GALNT17: variants seen among roughly 807,000 people sequenced by gnomAD.
GALNT17 encodes the protein polypeptide N-acetylgalactosaminyltransferase 17.
In GALNT17, 29 loss-of-function variants were observed where a neutral mutation model predicts 63.7. The observed-to-expected ratio is 0.46, with a 90% CI of 0.34 to 0.62. The LOEUF is 0.62. Among genes scored for constraint, GALNT17 ranks in the 20% least tolerant of loss-of-function variants. The pLI, the probability that GALNT17 is intolerant of heterozygous loss-of-function variation, is 0.01. For missense variants in GALNT17, 603 were observed against 799.6 expected, an observed-to-expected ratio of 0.75 and a Z score of 2.97; for synonymous variants, 305 against 318.3, an observed-to-expected ratio of 0.96 and a Z score of 0.45.
intron 1 of GALNT17, among the ~76,000 whole-genome samples, chr7:71,282,609 A>G (rs908457054): frequency 6.6e-6 from 1 of 151,804 alleles, no homozygotes; most frequent in African/African-American, 2.4e-5. Flanking sequence ...GGAGGGAGGA[A>G]TATTGTGCAG....
At chr7:71,187,828 G>T (rs962760039) in intron 1 of GALNT17, among the ~76,000 whole-genome samples, 1 of 152,028 alleles carries the variant, frequency 6.6e-6, no homozygotes, top group Non-Finnish European at 1.5e-5. Flanking sequence ...TGAAATTTTG[G>T]CGCACCTATC....
chr7:71,386,917 T>C (rs1792956055), intron 2 of GALNT17, among the ~76,000 whole-genome samples: 1 of 152,152 alleles, frequency 6.6e-6, no homozygotes, highest in Non-Finnish European at 1.5e-5. Flanking sequence ...TAGTATAACA[T>C]AATACAGAGC....
Position 71,386,208 on chromosome 7 carries a change from A to G in GALNT17, c.423-2027A>G, listed in dbSNP as rs565673692. Among the ~76,000 whole-genome samples, 15 of 152,286 alleles carry G rather than the reference A, an allele frequency of 9.8e-5. No individual in the cohort carries two copies. In the South Asian group the frequency reaches 2.9e-3, roughly 29 times the overall value. On this transcript the variant is annotated intron_variant, in intron 2 of 10. Coordinates refer to ENST00000333538, the MANE Select transcript of GALNT17 (RefSeq NM_022479.3). Reference sequence around the variant, plus strand: ...GGACGATCTTCTCCAGGAGACAAACACATATTGTAACAAAACTTTATTTTC... The same window carrying G: ...GGACGATCTTCTCCAGGAGACAAACGCATATTGTAACAAAACTTTATTTTC...
In GALNT17 at chr7:71,420,151, C is replaced by T. The variant is rs145022419; in HGVS notation, c.765-757C>T. On this transcript the variant is annotated intron_variant, in intron 4 of 10. Transcript: ENST00000333538. The stretch of plus-strand genomic sequence containing the variant: ...TTCCCGCGCCTGCCTCGGAGACACA[C>T]GATGGTGGAGGTGTCTGGCCATCTG... Among the ~76,000 whole-genome samples the T allele has an allele frequency of 7.5e-3, 1,143 of 152,216 alleles. 14 individuals are homozygous for T. Among genetic ancestry groups the T allele is most frequent in the African/African-American group, 0.021 (865 of 41,524 alleles).
chr7:71,662,673 A>G (rs530156715), intron 6 of GALNT17, among the ~76,000 whole-genome samples: 1 of 152,310 alleles, frequency 6.6e-6, no homozygotes, highest in South Asian at 2.1e-4. Context: ...CATGCTTTCC[A>G]GGTTCATCCA....
chr7:71,357,116 T>G (rs1258962206), intron 2 of GALNT17, among the ~76,000 whole-genome samples: 1 of 152,022 alleles, frequency 6.6e-6, no homozygotes, highest in Non-Finnish European at 1.5e-5. Flanking sequence ...GTGTTTGCGA[T>G]AGGGAATATG....
intron 1 of GALNT17, among the ~76,000 whole-genome samples, chr7:71,143,243 G>A (rs10268738): frequency 0.15 from 22,598 of 151,600 alleles, 1,997 homozygotes; most frequent in African/African-American, 0.24. Flanking sequence ...CCAACACAGC[G>A]AAACCCTGTC....
chr7:71,160,245 G>C (rs1037152799), intron 1 of GALNT17, among the ~76,000 whole-genome samples: 4 of 152,158 alleles, frequency 2.6e-5, no homozygotes, highest in Non-Finnish European at 5.9e-5. Context: ...TCATACTCAT[G>C]TATAAACACT....
chr7:71,673,213 A>G (rs1791097779), intron 8 of GALNT17, among the ~76,000 whole-genome samples: 1 of 152,208 alleles, frequency 6.6e-6, no homozygotes, highest in South Asian at 2.1e-4. Context: ...ATAATCTGAA[A>G]TAAGGACAAA....
At chr7:71,336,564 A>C (rs1216137484) in intron 2 of GALNT17, among the ~76,000 whole-genome samples, 4 of 152,064 alleles carry the variant, frequency 2.6e-5, no homozygotes, top group Non-Finnish European at 5.9e-5. Flanking sequence ...CTCGTCGTTT[A>C]GCCCCGACTT....
intron 1 of GALNT17, among the ~76,000 whole-genome samples, chr7:71,148,821 A>G (rs1255512796): frequency 1.4e-5 from 2 of 145,874 alleles, no homozygotes; most frequent in East Asian, 4.0e-4. Flanking sequence ...AGTTGAAGGC[A>G]TCTTAGATTT....
intron 2 of GALNT17, among the ~76,000 whole-genome samples, chr7:71,366,672 T>G (rs892776013): frequency 6.6e-6 from 1 of 152,208 alleles, no homozygotes; most frequent in African/African-American, 2.4e-5. Context: ...GTTTCTTGTG[T>G]GTCCTTCTGC....
intron 3 of GALNT17, among the ~76,000 whole-genome samples, chr7:71,396,389 G>A (rs544355870): frequency 6.6e-6 from 1 of 152,152 alleles, no homozygotes; most frequent in South Asian, 2.1e-4. Flanking sequence ...TTTCCTCATT[G>A]AATGGTTATG....
chr7:71,252,658 C>T (rs1790220962), intron 1 of GALNT17, among the ~76,000 whole-genome samples: 2 of 152,236 alleles, frequency 1.3e-5, no homozygotes, highest in South Asian at 2.1e-4. Flanking sequence ...GACCCAGACC[C>T]ATTAGAGAGT....
intron 3 of GALNT17, among the ~76,000 whole-genome samples, chr7:71,410,989 G>T (rs899588199): frequency 2.0e-5 from 3 of 152,176 alleles, no homozygotes; most frequent in African/African-American, 4.8e-5. Flanking sequence ...TTGCAGAAAT[G>T]AGTTTCTGTT....
chr7:71,449,751 C>T (rs749670925), intron 5 of GALNT17, among the ~76,000 whole-genome samples: 22 of 151,972 alleles, frequency 1.4e-4, no homozygotes, highest in South Asian at 4.1e-4. Flanking sequence ...TTATATTAAT[C>T]GATTGTCTAA....
chr7:71,190,833 G>T (rs1423863731), intron 1 of GALNT17, among the ~76,000 whole-genome samples: 2 of 151,894 alleles, frequency 1.3e-5, no homozygotes, highest in Non-Finnish European at 2.9e-5. Flanking sequence ...GGTTCACCGT[G>T]TTGCCCAGGC....
intron 1 of GALNT17, among the ~76,000 whole-genome samples, chr7:71,285,202 CCTT>C (rs1414623055): frequency 6.6e-6 from 1 of 151,990 alleles, no homozygotes; most frequent in Non-Finnish European, 1.5e-5. Context: ...TTTTTTCCTA[CCTT>C]CTTTGACTAC....
intron 3 of GALNT17, among the ~76,000 whole-genome samples, chr7:71,389,731 G>A (rs970314373): frequency 1.1e-4 from 16 of 152,014 alleles, no homozygotes; most frequent in Middle Eastern, 3.2e-3. Context: ...TCCAAAAAGC[G>A]AAATAAAAAA....
Sources: gnomAD v4.1 joint callset for allele counts (sites outside exome capture counted in the v4.1 genomes callset) on GRCh38, gnomAD v4.1.1 for gene constraint, MANE v1.5 for transcripts, NCBI Gene and HGNC (gene_info 2026-07-23, HGNC 2026-07-21) for gene names.